MEGF11: variants seen among roughly 807,000 people sequenced by gnomAD.
MEGF11 encodes the protein multiple epidermal growth factor-like domains protein 11.
In MEGF11, 126 loss-of-function variants were observed where a neutral mutation model predicts 146.6. The ratio of observed to expected loss-of-function variants is 0.86; its 90% CI spans 0.74 to 1.00. The LOEUF (loss-of-function observed/expected upper bound fraction) is 1.00, where lower values mean the gene tolerates loss of function less well. MEGF11 is among the 50% of genes least tolerant of loss of function. The pLI, the probability that MEGF11 is intolerant of heterozygous loss-of-function variation, is 0.00. For missense variants in MEGF11, 1,509 were observed against 1,521.2 expected (o/e 0.99, Z 0.13); for synonymous variants, 532 against 583.4 (o/e 0.91, Z 1.27).
At chr15:66,019,729 CCT>C (rs1173211848) in intron 5 of MEGF11, among the ~76,000 whole-genome samples, 2 of 152,220 alleles carry the variant, frequency 1.3e-5, no homozygotes, top group African/African-American at 4.8e-5. Context: ...ACTCGCTGAG[CCT>C]CTGTTTCTTC....
intron 1 of MEGF11, among the ~76,000 whole-genome samples, chr15:66,168,449 T>C (rs1024352757): frequency 1.3e-5 from 2 of 152,116 alleles, no homozygotes; most frequent in African/African-American, 4.8e-5. Flanking sequence ...TCCTGCACCA[T>C]CCAGCATGAT....
Position 65,906,106 on chromosome 15 carries a change from T to C in MEGF11, c.3034A>G (p.Ile1012Val), listed in dbSNP as rs1236949723. ...CGMDRRQNTY[I>V]MDKGFKDYMK... The stretch of plus-strand genomic sequence containing the variant: ...CTACCTTTGAAGCCTTTGTCCATAA[T>C]GTATGTGTTCTGACGTCTATCCATT... Residue 1012 changes from isoleucine to valine, a missense_variant, in exon 24 of 26, where the codon ATT (isoleucine) becomes GTT (valine). By Grantham distance (29) the Ile-to-Val change is conservative. Transcript: ENST00000395614. 6 of 1,611,430 alleles carry C rather than the reference T, an allele frequency of 3.7e-6. No homozygotes were observed. Among genetic ancestry groups the C allele is most frequent in the Non-Finnish European group, 5.1e-6 (6 of 1,178,702 alleles).
At position 65,897,776 on chromosome 15, in the gene MEGF11, C is replaced by T. The variant is rs2078386308; in HGVS notation, c.*158G>A. 7.7e-6 allele frequency: 5 copies of T among 653,524 alleles called. No homozygotes were observed. Among genetic ancestry groups the T allele is most frequent in the Non-Finnish European group, 1.2e-5 (5 of 411,688 alleles). The allele number at this position is 653,524 out of a possible 1,614,324, so 40.5% of individuals were successfully genotyped here. On this transcript the variant is annotated 3_prime_UTR_variant, in exon 26 of 26. Transcript: ENST00000395614. ...AGAACACAATTCCTTGAACAATTAT[C>T]CCAGTCCCACCTGGACGCTCTTCTT...
At chr15:66,251,314 T>G (rs2092367296) in intron 1 of MEGF11, among the ~76,000 whole-genome samples, 1 of 152,196 alleles carries the variant, frequency 6.6e-6, no homozygotes, top group Non-Finnish European at 1.5e-5. Context: ...TAATCTTGCC[T>G]TCTCCACGGA....
chr15:65,930,230 T>C (rs1255075283), intron 11 of MEGF11, among the ~76,000 whole-genome samples: 1 of 152,180 alleles, frequency 6.6e-6, no homozygotes, highest in Non-Finnish European at 1.5e-5. Flanking sequence ...TTCTCCATTC[T>C]TAGGCTGGTC....
chr15:65,930,941 T>A lies in MEGF11; in HGVS notation c.1290A>T (p.Gly430=). The change falls in exon 11 of 26, where the codon GGA becomes GGT. Residue 430 remains glycine (G), a splice_region_variant and synonymous_variant. Transcript: ENST00000395614. ...GGCTCAPGFM[G]EVCAVSCAAG... ...CTGCACAGGAAACGGCACAGACCTCTCCCTGGAAAGGGAGGGGGTGAATTT... is the reference window on the plus strand; with the variant it reads ...CTGCACAGGAAACGGCACAGACCTCACCCTGGAAAGGGAGGGGGTGAATTT... 1 of 1,580,080 alleles carries A rather than the reference T, an allele frequency of 6.3e-7. No individual in the cohort carries two copies. Among genetic ancestry groups the A allele is most frequent in the South Asian group, 1.1e-5 (1 of 87,600 alleles).
chr15:66,048,550 T>A (rs900269051), intron 5 of MEGF11, among the ~76,000 whole-genome samples: 2 of 152,030 alleles, frequency 1.3e-5, no homozygotes, highest in South Asian at 2.1e-4. Flanking sequence ...ACAAAACACC[T>A]CCCCGACAGC....
intron 5 of MEGF11, among the ~76,000 whole-genome samples, chr15:66,085,875 A>G (rs1177536252): frequency 6.6e-6 from 1 of 152,240 alleles, no homozygotes; most frequent in Non-Finnish European, 1.5e-5. Context: ...CTAATCAGGG[A>G]GGGACCAGAG....
chr15:65,970,834 C>T, intron 7 of MEGF11, 145 bp from the exon 8 acceptor site: 2 of 889,526 alleles, frequency 2.2e-6, no homozygotes, highest in Non-Finnish European at 3.4e-6. Flanking sequence ...CCAAAGCCCT[C>T]CTCTTAGAGA....
chr15:65,992,069 G>T (rs1455960401), intron 5 of MEGF11, among the ~76,000 whole-genome samples: 2 of 152,218 alleles, frequency 1.3e-5, no homozygotes, highest in African/African-American at 4.8e-5. Flanking sequence ...GCCCGGGAGC[G>T]GGCAGTGTCT....
At chr15:66,120,809 C>A (rs2087986084) in intron 3 of MEGF11, among the ~76,000 whole-genome samples, 1 of 152,192 alleles carries the variant, frequency 6.6e-6, no homozygotes, top group African/African-American at 2.4e-5. Flanking sequence ...GTCATCCAGC[C>A]TGTTCTCCCC....
chr15:66,230,872 C>G (rs138145705), intron 1 of MEGF11, among the ~76,000 whole-genome samples: 1 of 152,172 alleles, frequency 6.6e-6, no homozygotes, highest in Non-Finnish European at 1.5e-5. Context: ...AAATGGAAAC[C>G]CAGAGAGGGG....
chr15:66,201,701 C>T (rs1189430064), intron 1 of MEGF11, among the ~76,000 whole-genome samples: 11 of 148,814 alleles, frequency 7.4e-5, no homozygotes, highest in South Asian at 2.1e-4. Flanking sequence ...TTTGGGAGGC[C>T]GAGGCAGGTG....
chr15:65,926,503 C>T (rs1000363685), intron 13 of MEGF11, among the ~76,000 whole-genome samples: 2 of 152,240 alleles, frequency 1.3e-5, no homozygotes, highest in African/African-American at 4.8e-5. Context: ...GACACATGCA[C>T]AGCTCAGGGC....
intron 12 of MEGF11, among the ~76,000 whole-genome samples, chr15:65,929,274 A>C (rs2079486262): frequency 6.6e-6 from 1 of 152,212 alleles, no homozygotes; most frequent in Admixed American, 6.5e-5. Context: ...TTATTATTGA[A>C]CAGTGCTTGC....
At chr15:66,167,258 C>T (rs926891100) in intron 1 of MEGF11, among the ~76,000 whole-genome samples, 2 of 152,146 alleles carry the variant, frequency 1.3e-5, no homozygotes, top group Non-Finnish European at 2.9e-5. Flanking sequence ...CCAAGACAAC[C>T]CAGAGGGAGA....
At chr15:66,132,766 T>C (rs1055871398) in intron 1 of MEGF11, among the ~76,000 whole-genome samples, 4 of 152,020 alleles carry the variant, frequency 2.6e-5, no homozygotes, top group Admixed American at 2.0e-4. Flanking sequence ...ACTTTGGAAA[T>C]TTCTCCCCTC....
chr15:66,040,751 A>G (rs1195860796), intron 5 of MEGF11, among the ~76,000 whole-genome samples: 1 of 152,118 alleles, frequency 6.6e-6, no homozygotes, highest in Non-Finnish European at 1.5e-5. Flanking sequence ...ACTCACTTCC[A>G]TGGTTGAAAC....
chr15:66,234,337 C>T (rs1459043680), intron 1 of MEGF11, among the ~76,000 whole-genome samples: 2 of 152,242 alleles, frequency 1.3e-5, no homozygotes, highest in Non-Finnish European at 2.9e-5. Flanking sequence ...ATTATTTAAG[C>T]CTCTGATATC....
Sources: allele counts gnomAD v4.1 joint callset (sites outside exome capture counted in the v4.1 genomes callset), GRCh38; gene constraint gnomAD v4.1.1; transcripts MANE v1.5; gene names NCBI Gene and HGNC (gene_info 2026-07-23, HGNC 2026-07-21).